BMP5: variants seen among roughly 807,000 people sequenced by gnomAD.
BMP5 encodes bone morphogenetic protein 5.
A neutral mutation model predicts 46.6 loss-of-function variants in BMP5; 23 were observed. That is an observed-to-expected ratio of 0.49 (90% CI 0.35 to 0.70). The LOEUF is 0.70. BMP5 is among the 30% of genes least tolerant of loss of function. The pLI, the probability that BMP5 is intolerant of heterozygous loss-of-function variation, is 0.00. For synonymous variants in BMP5, 204 were observed against 191.9 expected, an observed-to-expected ratio of 1.06 and a Z score of -0.52; for missense variants, 545 against 565.6, an observed-to-expected ratio of 0.96 and a Z score of 0.37.
At chr6:55,859,319 A>C (rs1777477049) in intron 1 of BMP5, among the ~76,000 whole-genome samples, 1 of 152,162 alleles carries the variant, frequency 6.6e-6, no homozygotes, top group African/African-American at 2.4e-5. Context: ...CTAAGAACAG[A>C]CTCTAAAAAA....
Position 55,754,508 on chromosome 6 carries a change from G to C in BMP5, c.*1025C>G, listed in dbSNP as rs943594281. The C allele has an allele frequency of 6.6e-6, 1 of 151,902 alleles. No homozygotes were observed. The highest frequency in any genetic ancestry group is 1.5e-5 in the Non-Finnish European group (1 of 67,920). 9.4% of individuals were successfully genotyped at this position (151,902 alleles called of 1,614,324 possible). Reference sequence around the variant, plus strand: ...TGTCAAAGCCATTCTGGGACTTTTGGTAATTTCCTCCAGTTTAGTTTCAGT... The same window carrying C: ...TGTCAAAGCCATTCTGGGACTTTTGCTAATTTCCTCCAGTTTAGTTTCAGT... On this transcript the variant is annotated 3_prime_UTR_variant, in exon 7 of 7. Coordinates refer to ENST00000370830, the MANE Select transcript of BMP5 (RefSeq NM_021073.4).
chr6:55,766,163 T>A (rs1286123476), intron 4 of BMP5, among the ~76,000 whole-genome samples: 1 of 152,152 alleles, frequency 6.6e-6, no homozygotes, highest in Non-Finnish European at 1.5e-5. Flanking sequence ...CCCTTTGCAC[T>A]CTTAGTTGCC....
chr6:55,824,568 C>T (rs1776485906), intron 1 of BMP5, among the ~76,000 whole-genome samples: 1 of 151,874 alleles, frequency 6.6e-6, no homozygotes. Flanking sequence ...TCATTTAAGC[C>T]AGACCCAGAC....
In BMP5 at chr6:55,754,045, A is replaced by G. The variant is rs1774518451; in HGVS notation, c.*1488T>C. ...CTGTATTTCAAAACAACATTTTAATATACCCGAATTACAAACAAAGCCATA... is the reference window on the plus strand; with the variant it reads ...CTGTATTTCAAAACAACATTTTAATGTACCCGAATTACAAACAAAGCCATA... On this transcript the variant is annotated 3_prime_UTR_variant, in exon 7 of 7. Coordinates refer to ENST00000370830, the MANE Select transcript of BMP5 (RefSeq NM_021073.4). The G allele has an allele frequency of 6.6e-6, 1 of 151,966 alleles. No individual in the cohort carries two copies. Among genetic ancestry groups the G allele is most frequent in the Non-Finnish European group, 1.5e-5 (1 of 67,940 alleles). 9.4% of individuals were successfully genotyped at this position (151,966 alleles called of 1,614,324 possible).
chr6:55,760,384 C>T (rs1774740628), intron 5 of BMP5, 73 bp downstream of exon 5: 1 of 1,392,762 alleles, frequency 7.2e-7, no homozygotes, highest in African/African-American at 1.4e-5. Context: ...AAAATTACTG[C>T]CAAAGACTAT....
intron 2 of BMP5, among the ~76,000 whole-genome samples, chr6:55,804,628 A>G (rs1227876412): frequency 1.3e-5 from 2 of 152,220 alleles, no homozygotes; most frequent in Non-Finnish European, 2.9e-5. Flanking sequence ...AAGAAAAAGT[A>G]TAAGATCTGG....
At chr6:55,832,393 G>A (rs1294202120) in intron 1 of BMP5, among the ~76,000 whole-genome samples, 1 of 152,088 alleles carries the variant, frequency 6.6e-6, no homozygotes, top group Non-Finnish European at 1.5e-5. Flanking sequence ...CAAATCCCCA[G>A]GACAATACCT....
Position 55,774,056 on chromosome 6 carries a change from A to C in BMP5, c.1020T>G (p.Ser340Arg), listed in dbSNP as rs759974481. The C allele has an allele frequency of 6.2e-7, 1 of 1,612,382 alleles. No homozygotes were observed. The highest frequency in any genetic ancestry group is 1.1e-5 in the South Asian group (1 of 91,052). ...GCTCGGGTTTATTCTTACCTCCAAC[A>C]CTGGACATTCTGGAGGAGTCCTGAT... ...SSHQDSSRMS[S>R]VGDYNTSEQK... Residue 340 changes from serine to arginine, a missense_variant, in exon 4 of 7, where the codon AGT (serine) becomes AGG (arginine). Coordinates refer to ENST00000370830, the MANE Select transcript of BMP5 (RefSeq NM_021073.4).
intron 2 of BMP5, among the ~76,000 whole-genome samples, chr6:55,807,119 G>A (rs1287683778): frequency 6.6e-6 from 1 of 152,166 alleles, no homozygotes; most frequent in Non-Finnish European, 1.5e-5. Context: ...GAATAGGAAT[G>A]GTGAGAGGGG....
intron 2 of BMP5, among the ~76,000 whole-genome samples, chr6:55,806,279 C>G (rs1582080139): frequency 1.3e-5 from 2 of 152,308 alleles, no homozygotes; most frequent in East Asian, 3.9e-4. Flanking sequence ...TTTCAGCTTT[C>G]TGCATATGGC....
chr6:55,858,559 G>A (rs892170814), intron 1 of BMP5, among the ~76,000 whole-genome samples: 1 of 152,094 alleles, frequency 6.6e-6, no homozygotes, highest in African/African-American at 2.4e-5. Flanking sequence ...TATCAAGAAT[G>A]GAAATACATA....
chr6:55,859,646 T>C (rs1022666240), intron 1 of BMP5, among the ~76,000 whole-genome samples: 5 of 152,226 alleles, frequency 3.3e-5, no homozygotes, highest in African/African-American at 1.2e-4. Flanking sequence ...TAATTGGCTC[T>C]AGATAATGGA....
chr6:55,828,289 G>T (rs1776578504), intron 1 of BMP5, among the ~76,000 whole-genome samples: 1 of 151,788 alleles, frequency 6.6e-6, no homozygotes, highest in African/African-American at 2.4e-5. Context: ...CAGAGATTGG[G>T]ACTATCAAAT....
intron 4 of BMP5, among the ~76,000 whole-genome samples, chr6:55,770,648 T>C (rs1468843953): frequency 2.0e-5 from 3 of 151,988 alleles, no homozygotes; most frequent in Admixed American, 6.6e-5. Context: ...GAGGCCTAGC[T>C]TTCAATCTAT....
At chr6:55,823,554 T>C (rs2127539860) in intron 1 of BMP5, among the ~76,000 whole-genome samples, 1 of 152,160 alleles carries the variant, frequency 6.6e-6, no homozygotes, top group Middle Eastern at 3.4e-3. Context: ...AGCCCAAAAC[T>C]TGTAATCGAA....
At chr6:55,824,498 C>T (rs1366395978) in intron 1 of BMP5, among the ~76,000 whole-genome samples, 2 of 151,844 alleles carry the variant, frequency 1.3e-5, no homozygotes, top group African/African-American at 4.8e-5. Flanking sequence ...GAAAAAGCAT[C>T]TCTTAATTAC....
intron 2 of BMP5, among the ~76,000 whole-genome samples, chr6:55,797,595 T>C (rs551845980): frequency 2.4e-4 from 36 of 151,294 alleles, no homozygotes; most frequent in Middle Eastern, 6.9e-3. Flanking sequence ...CAGAATGGTG[T>C]TTGTGATTAT....
intron 1 of BMP5, among the ~76,000 whole-genome samples, chr6:55,843,897 C>G (rs1345201328): frequency 1.3e-5 from 2 of 151,910 alleles, no homozygotes; most frequent in African/African-American, 2.4e-5. Flanking sequence ...TTATGACATT[C>G]TTGTTTTTTC....
At chr6:55,820,270 T>G (rs1219602452) in intron 1 of BMP5, among the ~76,000 whole-genome samples, 1 of 152,106 alleles carries the variant, frequency 6.6e-6, no homozygotes, top group East Asian at 1.9e-4. Flanking sequence ...GAAAGAGGAC[T>G]GAGTTGCAAG....
Sources: gnomAD v4.1 joint callset for allele counts (sites outside exome capture counted in the v4.1 genomes callset) on GRCh38, gnomAD v4.1.1 for gene constraint, MANE v1.5 for transcripts, NCBI Gene and HGNC (gene_info 2026-07-23, HGNC 2026-07-21) for gene names.